Variants in ZNF385D observed in about 807,000 individuals in gnomAD.
ZNF385D encodes the protein zinc finger protein 385D, also known as zinc finger protein 659.
ZNF385D carries 15 observed loss-of-function variants against 35.8 expected under a neutral mutation model. The ratio of observed to expected loss-of-function variants is 0.42; its 90% confidence interval spans 0.28 to 0.64. ZNF385D has a LOEUF of 0.64. Ranked by LOEUF, ZNF385D falls within the 30% of genes least tolerant of loss-of-function variation. The pLI, the probability that ZNF385D is intolerant of heterozygous loss-of-function variation, is 0.23. For missense variants in ZNF385D, 474 were observed against 494.6 expected (o/e 0.96, Z 0.39); for synonymous variants, 212 against 186.8 (o/e 1.13, Z -1.10).
intron 3 of ZNF385D, among the ~76,000 whole-genome samples, chr3:22,072,995 C>T (rs9879271): frequency 0.21 from 32,353 of 151,810 alleles, 5,662 homozygotes; most frequent in African/African-American, 0.48. Flanking sequence ...GGTTTCCAGG[C>T]ACTTTCAATC....
chr3:21,529,984 G>T (rs1265746625), intron 3 of ZNF385D, among the ~76,000 whole-genome samples: 2 of 151,634 alleles, frequency 1.3e-5, no homozygotes, highest in East Asian at 1.9e-4. Context: ...TTTGGGTCAT[G>T]GGGGGGGTGA....
chr3:21,699,223 C>T (rs946816880), intron 1 of ZNF385D, among the ~76,000 whole-genome samples: 11 of 152,082 alleles, frequency 7.2e-5, no homozygotes, highest in Non-Finnish European at 1.6e-4. Flanking sequence ...TCATTCTCAG[C>T]AAACTAACAC....
chr3:22,291,235 C>A (rs1702286343), intron 2 of ZNF385D, among the ~76,000 whole-genome samples: 1 of 151,948 alleles, frequency 6.6e-6, no homozygotes, highest in East Asian at 1.9e-4. Context: ...GCAGAACTGC[C>A]CCTCCAAAAA....
chr3:21,903,363 T>C (rs566974389), intron 3 of ZNF385D, among the ~76,000 whole-genome samples: 2 of 152,288 alleles, frequency 1.3e-5, no homozygotes, highest in African/African-American at 4.8e-5. Context: ...GGTGCAATGA[T>C]TCAGTCATTT....
intron 3 of ZNF385D, among the ~76,000 whole-genome samples, chr3:21,961,244 G>GAAGAAAATAAAA (rs1702573298): frequency 6.6e-6 from 1 of 151,768 alleles, no homozygotes; most frequent in African/African-American, 2.4e-5. Flanking sequence ...ATGAATGCCT[G>GAAGAAAATAAAA]GAATATAAAA....
chr3:21,719,474 C>A (rs555930611), intron 1 of ZNF385D, among the ~76,000 whole-genome samples: 2 of 152,314 alleles, frequency 1.3e-5, no homozygotes, highest in East Asian at 3.9e-4. Flanking sequence ...TAGGGAATTT[C>A]CTCTGGAGAG....
chr3:22,018,936 T>G (rs1460956020), intron 3 of ZNF385D, among the ~76,000 whole-genome samples: 1 of 151,436 alleles, frequency 6.6e-6, no homozygotes, highest in African/African-American at 2.4e-5. Flanking sequence ...GGATTGAACG[T>G]GCAATTCCTA....
At chr3:21,755,983 T>C (rs949357746), upstream of ZNF385D, among the ~76,000 whole-genome samples, 3 of 152,202 alleles carry the variant, frequency 2.0e-5, no homozygotes, top group Non-Finnish European at 4.4e-5. Flanking sequence ...ATAGGTAAGA[T>C]GGAGCCAAAT....
chr3:22,326,604 G>A (rs1157438), intron 2 of ZNF385D, among the ~76,000 whole-genome samples: 48,015 of 151,974 alleles, frequency 0.32, 8,679 homozygotes, highest in African/African-American at 0.5. Flanking sequence ...AAACCTGCCA[G>A]GAATGGAGCA....
At chr3:22,266,738 G>C (rs1700916565) in intron 2 of ZNF385D, among the ~76,000 whole-genome samples, 1 of 151,896 alleles carries the variant, frequency 6.6e-6, no homozygotes, top group Non-Finnish European at 1.5e-5. Flanking sequence ...CAGTACTCTT[G>C]TTTGGCTACT....
chr3:22,276,791 A>C (rs1489360928), intron 2 of ZNF385D, among the ~76,000 whole-genome samples: 1 of 152,144 alleles, frequency 6.6e-6, no homozygotes, highest in Non-Finnish European at 1.5e-5. Context: ...TCAATGTATC[A>C]GTGTGAGGAT....
At chr3:21,664,336 G>A (rs576016526) in intron 2 of ZNF385D, among the ~76,000 whole-genome samples, 14 of 152,058 alleles carry the variant, frequency 9.2e-5, no homozygotes, top group Non-Finnish European at 1.8e-4. Flanking sequence ...AAAGAAATAT[G>A]AGAGTTAACT....
chr3:22,350,472 G>A (rs1458994444), intron 2 of ZNF385D, among the ~76,000 whole-genome samples: 2 of 152,002 alleles, frequency 1.3e-5, no homozygotes, highest in Admixed American at 6.5e-5. Context: ...TTCTAACTAT[G>A]AGCATTTGTA....
chr3:22,113,517 A>G (rs1306110710), intron 3 of ZNF385D, among the ~76,000 whole-genome samples: 2 of 152,132 alleles, frequency 1.3e-5, no homozygotes. Flanking sequence ...TAGATCTATA[A>G]TAAACATATT....
intron 3 of ZNF385D, among the ~76,000 whole-genome samples, chr3:21,925,929 T>A (rs1305073136): frequency 3.2e-4 from 49 of 152,142 alleles, no homozygotes; most frequent in Admixed American, 3.2e-3. Flanking sequence ...CACACTGAGC[T>A]ATTACTATGT....
At chr3:21,670,544 G>A (rs1300736990) in intron 1 of ZNF385D, among the ~76,000 whole-genome samples, 1 of 150,724 alleles carries the variant, frequency 6.6e-6, no homozygotes, top group Non-Finnish European at 1.5e-5. Context: ...GAATTCAGAG[G>A]TCTATGTGAT....
At chr3:21,516,664 CAA>C (rs1029327832) in intron 3 of ZNF385D, among the ~76,000 whole-genome samples, 3 of 152,148 alleles carry the variant, frequency 2.0e-5, no homozygotes, top group Non-Finnish European at 4.4e-5. Context: ...AGCCTGAAGT[CAA>C]AGTCATCTCT....
intron 2 of ZNF385D, among the ~76,000 whole-genome samples, chr3:21,590,731 T>A (rs2063949818): frequency 6.6e-6 from 1 of 152,004 alleles, no homozygotes; most frequent in Non-Finnish European, 1.5e-5. Flanking sequence ...ACCCCAAAAT[T>A]CCTATAATAG....
At chr3:22,198,423 A>C (rs998771823) in intron 2 of ZNF385D, among the ~76,000 whole-genome samples, 1 of 152,098 alleles carries the variant, frequency 6.6e-6, no homozygotes, top group Non-Finnish European at 1.5e-5. Context: ...TTGTGGAAGA[A>C]AGCTCTAAGT....
Sources: allele counts gnomAD v4.1 joint callset (sites outside exome capture counted in the v4.1 genomes callset), GRCh38; gene constraint gnomAD v4.1.1; transcripts MANE v1.5; gene names NCBI Gene and HGNC (gene_info 2026-07-23, HGNC 2026-07-21).